VPS13D: variants seen among roughly 807,000 people sequenced by gnomAD.
VPS13D encodes the protein vacuolar protein sorting 13 homolog D.
VPS13D carries 187 observed loss-of-function variants against 461.9 expected under a neutral mutation model. That is an observed-to-expected ratio of 0.40 (90% CI 0.36 to 0.46). The LOEUF (loss-of-function observed/expected upper bound fraction) is 0.46. Among genes scored for constraint, VPS13D ranks in the 20% least tolerant of loss-of-function variants. The probability of loss-of-function intolerance (pLI) is 0.60; values close to 1 mark genes in which losing one functional copy is unlikely to be tolerated. For synonymous variants in VPS13D, 1,951 were observed against 1,986.3 expected (o/e 0.98, Z 0.47); for missense variants, 4,711 against 5,364.9 (o/e 0.88, Z 3.81).
At chr1:12,420,952 G>A (rs1037668245) in intron 65 of VPS13D, among the ~76,000 whole-genome samples, 14 of 152,064 alleles carry the variant, frequency 9.2e-5, no homozygotes, top group African/African-American at 3.1e-4. Context: ...TTAAATTTCA[G>A]GTCTATAGTG....
intron 67 of VPS13D, among the ~76,000 whole-genome samples, chr1:12,478,286 C>T (rs558236131): frequency 2.0e-5 from 3 of 152,346 alleles, no homozygotes; most frequent in South Asian, 2.1e-4. Context: ...CGGCCCAGGC[C>T]GAGGAATGCG....
intron 24 of VPS13D, among the ~76,000 whole-genome samples, chr1:12,297,572 G>C (rs1025268770): frequency 1.3e-5 from 2 of 152,192 alleles, no homozygotes; most frequent in African/African-American, 4.8e-5. Flanking sequence ...TACGGAGATA[G>C]CAGAATTAAG....
Position 12,322,643 on chromosome 1 carries a change from A to AGTGGCCCTGGAGTCAGACTCC in VPS13D, c.7815_7835dup (p.Ala2606_Val2612dup). 1 of 1,614,242 alleles carries AGTGGCCCTGGAGTCAGACTCC rather than the reference A, an allele frequency of 6.2e-7. No individual in the cohort carries two copies. Among genetic ancestry groups the AGTGGCCCTGGAGTCAGACTCC allele is most frequent in the Non-Finnish European group, 8.5e-7 (1 of 1,180,030 alleles). On this transcript the variant is annotated inframe_insertion, in exon 34 of 70. Transcript: ENST00000620676. ...AAGCTAATGCTGCAGTGCCAGACTC[A>AGTGGCCCTGGAGTCAGACTCC]GTGGCCCTGGAGTCAGACTCCGTTG...
chr1:12,370,676 ATGTT>A (rs1248271674), intron 54 of VPS13D, among the ~76,000 whole-genome samples: 3 of 152,180 alleles, frequency 2.0e-5, no homozygotes, highest in Non-Finnish European at 4.4e-5. Flanking sequence ...TTGAGTCAAT[ATGTT>A]TGTTTGTTGT....
intron 30 of VPS13D, among the ~76,000 whole-genome samples, chr1:12,317,730 G>T (rs1311470246): frequency 2.0e-5 from 3 of 152,034 alleles, no homozygotes; most frequent in Admixed American, 2.0e-4. Context: ...GGGCAACAGA[G>T]TGTGACCCTG....
chr1:12,309,048 C>T (rs944110163), intron 27 of VPS13D, among the ~76,000 whole-genome samples: 2 of 152,090 alleles, frequency 1.3e-5, no homozygotes, highest in African/African-American at 2.4e-5. Context: ...CTTATTTCTT[C>T]GTCTATTTAA....
chr1:12,440,447 A>G (rs999149616), intron 65 of VPS13D, among the ~76,000 whole-genome samples: 1 of 151,876 alleles, frequency 6.6e-6, no homozygotes, highest in Non-Finnish European at 1.5e-5. Flanking sequence ...ATTAAGAGGA[A>G]GAGGCTGCAA....
intron 65 of VPS13D, among the ~76,000 whole-genome samples, chr1:12,448,519 AC>A (rs1645222506): frequency 6.6e-6 from 1 of 152,046 alleles, no homozygotes; most frequent in African/African-American, 2.4e-5. Flanking sequence ...ACATAAGCAT[AC>A]CCCCCTTCTG....
chr1:12,398,733 T>C (rs1333890854), intron 60 of VPS13D, among the ~76,000 whole-genome samples: 2 of 152,230 alleles, frequency 1.3e-5, no homozygotes, highest in Non-Finnish European at 2.9e-5. Context: ...GCTGACTTAA[T>C]CGTTTCGTTC....
At chr1:12,280,866 A>G (rs1286966748) in intron 20 of VPS13D, among the ~76,000 whole-genome samples, 1 of 152,026 alleles carries the variant, frequency 6.6e-6, no homozygotes, top group Non-Finnish European at 1.5e-5. Flanking sequence ...ATTGTAGATA[A>G]TTCTTTCTTT....
intron 18 of VPS13D, 134 bp from the exon 19 acceptor site, chr1:12,275,691 T>C (rs1360802742): frequency 2.4e-6 from 2 of 819,690 alleles, no homozygotes; most frequent in Admixed American, 3.5e-5. Flanking sequence ...AAAGATATTA[T>C]GCTTAAGAGT....
At chr1:12,402,995 C>G (rs1209141602) in intron 62 of VPS13D, among the ~76,000 whole-genome samples, 1 of 152,246 alleles carries the variant, frequency 6.6e-6, no homozygotes, top group Non-Finnish European at 1.5e-5. Context: ...GCCATCCTGT[C>G]TGTAGCTGTT....
At position 12,244,417 on chromosome 1, in the gene VPS13D, C is replaced by T. The variant is rs1557660309; in HGVS notation, c.347C>T (p.Ala116Val). The T allele has an allele frequency of 6.2e-7, 1 of 1,614,098 alleles. No homozygotes were observed. The highest frequency in any genetic ancestry group is 8.5e-7 in the Non-Finnish European group (1 of 1,180,022). The change falls in exon 4 of 70, where the codon GCC becomes GTC. Residue 116 changes from alanine (A) to valine (V), a missense_variant. This residue lies in a region of VPS13D where 4,411 missense variants were observed against 4,937.8 expected (regional missense o/e 0.89). Transcript: ENST00000620676. ...GAACGTAAGAAAGCACTACTTCAAG[C>T]CCTGGAGGAGAAATGGAAGGCAAGG... ...ERERKKALLQ[A>V]LEEKWKNDRQ...
intron 54 of VPS13D, among the ~76,000 whole-genome samples, chr1:12,371,468 G>A (rs1644115780): frequency 6.8e-6 from 1 of 147,078 alleles, no homozygotes. Context: ...TTGGCTCACT[G>A]TAACCTCCAC....
intron 24 of VPS13D, among the ~76,000 whole-genome samples, chr1:12,297,680 C>T (rs953151288): frequency 3.3e-5 from 5 of 152,022 alleles, no homozygotes. Flanking sequence ...TTATAACAAC[C>T]CTGTTTGTTC....
At chr1:12,383,435 A>G (rs915573811) in intron 58 of VPS13D, among the ~76,000 whole-genome samples, 2 of 152,100 alleles carry the variant, frequency 1.3e-5, no homozygotes, top group Non-Finnish European at 2.9e-5. Flanking sequence ...GCATATTAAT[A>G]GTGTTGTTAA....
At position 12,244,323 on chromosome 1, in the gene VPS13D, C is replaced by G; in HGVS notation, c.253C>G (p.Leu85Val). ...VDPWVISISSLHLIGAPEKIQ... is the reference protein window; with the variant it reads ...VDPWVISISSVHLIGAPEKIQ... ...CCCTTGGGTGATCTCCATCTCCAGC[C>G]TTCACTTAATTGGAGCCCCAGAGAA... Residue 85 changes from leucine to valine, a missense_variant, in exon 4 of 70, where the codon CTT becomes GTT. Physicochemically the swap from Leu to Val is conservative, Grantham distance 32 (BLOSUM62 1). Transcript: ENST00000620676. 1 of 1,614,136 alleles carries G rather than the reference C, an allele frequency of 6.2e-7. No individual in the cohort carries two copies. Among genetic ancestry groups the G allele is most frequent in the Non-Finnish European group, 8.5e-7 (1 of 1,180,038 alleles).
In VPS13D at chr1:12,367,553, AATTT is replaced by A. The variant is rs202235716; in HGVS notation, c.10449-882_10449-879del. ...CTTATTACATTGGTGGTTGCGATGA[AATTT>A]ATTTATTTATTTATTTATTTATTTA... On this transcript the variant is annotated intron_variant, in intron 52 of 69. Coordinates refer to ENST00000620676, the MANE Select transcript of VPS13D (RefSeq NM_015378.4). The A allele has an allele frequency of 6.3e-3, 931 of 148,958 alleles. 7 individuals carry two copies. Among genetic ancestry groups the A allele is most frequent in the Non-Finnish European group, 9.6e-3 (646 of 67,624 alleles). The allele number at this position is 148,958 out of a possible 1,614,324, so 9.2% of individuals were successfully genotyped here.
intron 24 of VPS13D, 125 bp downstream of exon 24, chr1:12,293,829 A>G: frequency 4.2e-6 from 4 of 959,034 alleles, no homozygotes; most frequent in Non-Finnish European, 5.9e-6. Flanking sequence ...CTCCGTGTAG[A>G]TTAGCTACAG....
Sources: allele counts gnomAD v4.1 joint callset (sites outside exome capture counted in the v4.1 genomes callset), GRCh38; gene constraint gnomAD v4.1.1; regional missense constraint gnomAD v4.1.1; transcripts MANE v1.5; gene names NCBI Gene and HGNC (gene_info 2026-07-23, HGNC 2026-07-21).